The following ATP1B3 variants were observed in gnomAD, a reference collection of about 807,000 sequenced individuals.
ATP1B3 encodes ATPase Na+/K+ transporting subunit beta 3.
ATP1B3 carries 10 observed loss-of-function variants against 30.2 expected under a neutral mutation model. The observed-to-expected ratio is 0.33, with a 90% CI of 0.20 to 0.56. The LOEUF is 0.56. ATP1B3 is among the 20% of genes least tolerant of loss of function. The pLI is 0.90. For missense variants in ATP1B3, 238 were observed against 336.7 expected (o/e 0.71, Z 2.29); for synonymous variants, 113 against 117.0 (o/e 0.97, Z 0.22).
intron 2 of ATP1B3, 137 bp from the exon 3 acceptor site, chr3:141,907,030 T>A (rs1462985250): frequency 2.0e-6 from 1 of 512,208 alleles, no homozygotes; most frequent in East Asian, 3.3e-5. Flanking sequence ...ATAATTAGAA[T>A]TGGGAAGTTC....
intron 1 of ATP1B3, among the ~76,000 whole-genome samples, chr3:141,883,766 T>C (rs900498412): frequency 2.0e-5 from 3 of 152,182 alleles, no homozygotes; most frequent in African/African-American, 7.2e-5. Flanking sequence ...GGCTTCACAG[T>C]GTTTGACGGT....
chr3:141,901,326 C>T (rs900959876), intron 1 of ATP1B3, among the ~76,000 whole-genome samples: 3 of 152,164 alleles, frequency 2.0e-5, no homozygotes, highest in Non-Finnish European at 2.9e-5. Flanking sequence ...ATTTAACTGC[C>T]ATTTTACACC....
intron 3 of ATP1B3, among the ~76,000 whole-genome samples, chr3:141,911,817 G>A (rs1007556399): frequency 5.3e-5 from 8 of 151,986 alleles, no homozygotes; most frequent in East Asian, 1.9e-4. Context: ...TATTTTAGGC[G>A]TTCTTCAGAT....
At chr3:141,894,955 T>C (rs1201680319) in intron 1 of ATP1B3, among the ~76,000 whole-genome samples, 1 of 152,180 alleles carries the variant, frequency 6.6e-6, no homozygotes, top group South Asian at 2.1e-4. Context: ...ATACCAGCAT[T>C]GCTACAGACA....
At chr3:141,919,314 C>T (rs1934524843) in intron 5 of ATP1B3, among the ~76,000 whole-genome samples, 1 of 150,782 alleles carries the variant, frequency 6.6e-6, no homozygotes, top group East Asian at 1.9e-4. Flanking sequence ...GACAGGGTGT[C>T]ACCATGTTGC....
At position 141,903,789 on chromosome 3, in the gene ATP1B3, T is replaced by G. The variant is rs192140884; in HGVS notation, c.238+41T>G. On this transcript the variant is annotated intron_variant, in intron 2 of 6. Transcript: ENST00000286371. ...TTATGACTTTGTTTTTTGTTTTTTG[T>G]TTTTTTTTTGAGACAGAGTTTCACT... The G allele has an allele frequency of 6.0e-4, 885 of 1,471,240 alleles. 5 individuals are homozygous for G. In the Admixed American group the frequency reaches 8.6e-3, roughly 14 times the overall value. The allele number at this position is 1,471,240 out of a possible 1,614,324, so 91.1% of individuals were successfully genotyped here.
At chr3:141,892,530 C>T (rs1023920898) in intron 1 of ATP1B3, among the ~76,000 whole-genome samples, 21 of 151,880 alleles carry the variant, frequency 1.4e-4, no homozygotes, top group South Asian at 8.3e-4. Context: ...CAGTGACACA[C>T]GCCTGTAATC....
intron 3 of ATP1B3, among the ~76,000 whole-genome samples, chr3:141,908,625 C>T (rs1934305161): frequency 6.6e-6 from 1 of 152,202 alleles, no homozygotes; most frequent in East Asian, 1.9e-4. Context: ...AGATACTGAG[C>T]AGGACTAATT....
intron 1 of ATP1B3, among the ~76,000 whole-genome samples, chr3:141,882,732 C>G (rs918570461): frequency 1.7e-4 from 26 of 152,150 alleles, no homozygotes; most frequent in Admixed American, 1.7e-3. Context: ...TACAGGCATG[C>G]GCTACCATGC....
rs528697587 is a variant in ATP1B3 at position 141,917,229 on chromosome 3, C to T, written c.582+1209C>T. On this transcript the variant is annotated intron_variant, in intron 5 of 6. Coordinates refer to ENST00000286371, the MANE Select transcript of ATP1B3 (RefSeq NM_001679.4). Reference sequence around the variant, plus strand: ...CTGAGGCCCACATTTTGAGAACTCCCGATTTGGAGTGTCCTTATTAATTTT... The same window carrying T: ...CTGAGGCCCACATTTTGAGAACTCCTGATTTGGAGTGTCCTTATTAATTTT... Among the ~76,000 whole-genome samples, 10 of 152,118 alleles carry T rather than the reference C, an allele frequency of 6.6e-5. No individual in the cohort carries two copies. In the South Asian group the frequency reaches 1.2e-3, roughly 19 times the overall value.
chr3:141,920,430 G>A (rs1356939042), intron 5 of ATP1B3, among the ~76,000 whole-genome samples: 6 of 152,014 alleles, frequency 3.9e-5, no homozygotes, highest in Admixed American at 6.6e-5. Flanking sequence ...AGGAGGCTGA[G>A]ACAGGAGAAT....
At chr3:141,890,688 T>C (rs1272925165) in intron 1 of ATP1B3, among the ~76,000 whole-genome samples, 1 of 147,822 alleles carries the variant, frequency 6.8e-6, no homozygotes, top group Non-Finnish European at 1.5e-5. Context: ...TCTGCCCACC[T>C]CTGCCTCCCA....
chr3:141,917,734 A>G (rs955290061), intron 5 of ATP1B3, among the ~76,000 whole-genome samples: 2 of 151,190 alleles, frequency 1.3e-5, no homozygotes, highest in African/African-American at 4.9e-5. Flanking sequence ...ACCAGATACC[A>G]CATCTAAGCT....
intron 5 of ATP1B3, among the ~76,000 whole-genome samples, chr3:141,917,143 G>A (rs1376929338): frequency 6.6e-6 from 1 of 151,534 alleles, no homozygotes; most frequent in East Asian, 2.0e-4. Flanking sequence ...ATGAGTCACC[G>A]CGCCTGGCCC....
At chr3:141,889,386 T>A (rs1055287301) in intron 1 of ATP1B3, among the ~76,000 whole-genome samples, 3 of 152,172 alleles carry the variant, frequency 2.0e-5, no homozygotes, top group African/African-American at 7.2e-5. Context: ...TTATCTAGGA[T>A]AAACTGAGAA....
chr3:141,895,623 G>A (rs1022242065), intron 1 of ATP1B3, among the ~76,000 whole-genome samples: 1 of 152,128 alleles, frequency 6.6e-6, no homozygotes, highest in Non-Finnish European at 1.5e-5. Flanking sequence ...GGATATTTGG[G>A]TTGTTTGCAG....
At chr3:141,907,409 T>A (rs1049683880) in intron 3 of ATP1B3, 135 bp downstream of exon 3, 2 of 561,156 alleles carry the variant, frequency 3.6e-6, no homozygotes, top group Admixed American at 3.7e-5. Flanking sequence ...CACCTGAGGT[T>A]AGGAGCCAGG....
chr3:141,876,663 G>A lies in ATP1B3; in HGVS notation c.-139G>A, dbSNP rs1933593578. 2 of 544,296 alleles carry A rather than the reference G, an allele frequency of 3.7e-6. No individual in the cohort carries two copies. Among genetic ancestry groups the A allele is most frequent in the South Asian group, 2.1e-5 (1 of 46,938 alleles). The allele number at this position is 544,296 out of a possible 1,614,324, so 33.7% of individuals were successfully genotyped here. A position where few individuals can be genotyped will look rare whatever the true frequency, so the allele number is the denominator to read the frequency against. On this transcript the variant is annotated 5_prime_UTR_variant, in exon 1 of 7. Transcript: ENST00000286371. Reference sequence around the variant, plus strand: ...GGCGCAGTCGGCTCGAGTACTCCCCGTAACGAGGAGGTGTTCTCGGCCGTC... The same window carrying A: ...GGCGCAGTCGGCTCGAGTACTCCCCATAACGAGGAGGTGTTCTCGGCCGTC...
At chr3:141,902,978 T>G (rs1934192087) in intron 1 of ATP1B3, 1 of 152,266 alleles carries the variant, frequency 6.6e-6, no homozygotes, top group Admixed American at 6.5e-5. Flanking sequence ...AGGGCCATGC[T>G]AATCTTCTCT....
Sources: gnomAD v4.1 joint callset for allele counts (sites outside exome capture counted in the v4.1 genomes callset) on GRCh38, gnomAD v4.1.1 for gene constraint, MANE v1.5 for transcripts, NCBI Gene and HGNC (gene_info 2026-07-23, HGNC 2026-07-21) for gene names.